Variants in SLC8A3 observed in about 807,000 individuals in gnomAD.
SLC8A3 encodes solute carrier family 8 member A3, also known as sodium/calcium exchanger 3.
A neutral mutation model predicts 65.4 loss-of-function variants in SLC8A3; 37 were observed. The ratio of observed to expected loss-of-function variants is 0.57; its 90% CI spans 0.44 to 0.74. The LOEUF (loss-of-function observed/expected upper bound fraction) is 0.74. Ranked by LOEUF, SLC8A3 falls within the 30% of genes least tolerant of loss-of-function variation. The probability of loss-of-function intolerance (pLI) is 0.00; values close to 1 mark genes in which losing one functional copy is unlikely to be tolerated. For missense variants in SLC8A3, 1,112 were observed against 1,172.1 expected (o/e 0.95, Z 0.75); for synonymous variants, 461 against 444.5 (o/e 1.04, Z -0.47).
At chr14:70,117,740 A>G (rs1044753354) in intron 2 of SLC8A3, among the ~76,000 whole-genome samples, 2 of 151,984 alleles carry the variant, frequency 1.3e-5, no homozygotes, top group African/African-American at 4.8e-5. Context: ...AGATCAACCA[A>G]TCCAAAACCT....
chr14:70,130,727 T>C (rs1337425893), intron 2 of SLC8A3, among the ~76,000 whole-genome samples: 3 of 152,238 alleles, frequency 2.0e-5, no homozygotes, highest in Non-Finnish European at 4.4e-5. Flanking sequence ...GAATGGAGTT[T>C]TAATGACAAA....
chr14:70,181,719 T>C (rs1250791468), intron 1 of SLC8A3, among the ~76,000 whole-genome samples: 3 of 152,288 alleles, frequency 2.0e-5, no homozygotes, highest in Non-Finnish European at 4.4e-5. Flanking sequence ...CACCAGCTCA[T>C]ACAGGGCCTT....
At chr14:70,149,719 T>C (rs1896144164) in intron 2 of SLC8A3, among the ~76,000 whole-genome samples, 1 of 152,196 alleles carries the variant, frequency 6.6e-6, no homozygotes, top group African/African-American at 2.4e-5. Context: ...GTAATTATCC[T>C]TGAGACCAGA....
chr14:70,115,824 G>T (rs750808128), intron 2 of SLC8A3, among the ~76,000 whole-genome samples: 1 of 152,196 alleles, frequency 6.6e-6, no homozygotes, highest in Admixed American at 6.5e-5. Flanking sequence ...GCTGCAAAAT[G>T]AAAGGGTCCA....
At chr14:70,161,956 C>A (rs545653545) in intron 2 of SLC8A3, among the ~76,000 whole-genome samples, 1 of 152,320 alleles carries the variant, frequency 6.6e-6, no homozygotes, top group South Asian at 2.1e-4. Context: ...CTGAAGTTCA[C>A]CAGCACTGCC....
At chr14:70,107,704 C>G (rs1260007654) in intron 2 of SLC8A3, among the ~76,000 whole-genome samples, 2 of 152,210 alleles carry the variant, frequency 1.3e-5, no homozygotes, top group African/African-American at 2.4e-5. Context: ...AACTCAGAAC[C>G]AAAGCTTTCC....
chr14:70,060,305 C>T, intron 3 of SLC8A3: 1 of 231,370 alleles, frequency 4.3e-6, no homozygotes, highest in Non-Finnish European at 8.5e-6. Context: ...AACCCAGGCC[C>T]CAACCCCCAT....
intron 2 of SLC8A3, among the ~76,000 whole-genome samples, chr14:70,134,606 C>T (rs928344962): frequency 2.6e-5 from 4 of 152,230 alleles, no homozygotes; most frequent in Admixed American, 6.5e-5. Context: ...ATCCACTTCT[C>T]TTCTCTCTAC....
chr14:70,104,384 G>A (rs2140118701), intron 2 of SLC8A3, among the ~76,000 whole-genome samples: 1 of 152,136 alleles, frequency 6.6e-6, no homozygotes, highest in East Asian at 1.9e-4. Context: ...TAAAGATTGT[G>A]GGATTGGCCA....
At chr14:70,066,826 AAAC>A (rs1016312643) in intron 2 of SLC8A3, among the ~76,000 whole-genome samples, 4 of 152,142 alleles carry the variant, frequency 2.6e-5, no homozygotes, top group Admixed American at 6.5e-5. Context: ...AAAACAAAAC[AAAC>A]AACAACAACA....
intron 3 of SLC8A3, among the ~76,000 whole-genome samples, chr14:70,054,934 C>T (rs143487092): frequency 2.0e-5 from 3 of 152,038 alleles, no homozygotes; most frequent in East Asian, 1.9e-4. Context: ...AAATGTAAGA[C>T]GTTCTTTTAA....
intron 2 of SLC8A3, among the ~76,000 whole-genome samples, chr14:70,142,872 G>A (rs559746358): frequency 1.3e-5 from 2 of 152,142 alleles, no homozygotes; most frequent in African/African-American, 4.8e-5. Context: ...AGAAGTCACC[G>A]TTTTAGAGTT....
intron 2 of SLC8A3, among the ~76,000 whole-genome samples, chr14:70,098,660 C>A (rs546254517): frequency 2.0e-5 from 3 of 152,204 alleles, no homozygotes; most frequent in Non-Finnish European, 4.4e-5. Flanking sequence ...TCCTGGTCAG[C>A]AGCATCTTAA....
chr14:70,082,091 T>C (rs1282985103), intron 2 of SLC8A3, among the ~76,000 whole-genome samples: 2 of 152,154 alleles, frequency 1.3e-5, no homozygotes, highest in Non-Finnish European at 2.9e-5. Context: ...CTATTAGAAG[T>C]CAGGTAACTT....
intron 2 of SLC8A3, among the ~76,000 whole-genome samples, chr14:70,128,759 C>T (rs1028694118): frequency 1.3e-5 from 2 of 152,192 alleles, no homozygotes; most frequent in Admixed American, 6.5e-5. Flanking sequence ...ACCCTTCTTT[C>T]CTGCCTTTGT....
chr14:70,119,434 C>T (rs1893892558), intron 2 of SLC8A3, among the ~76,000 whole-genome samples: 1 of 152,172 alleles, frequency 6.6e-6, no homozygotes, highest in Non-Finnish European at 1.5e-5. Flanking sequence ...ACTGGGGACC[C>T]CACCCACCTG....
At chr14:70,068,229 G>A (rs893987338) in intron 2 of SLC8A3, among the ~76,000 whole-genome samples, 1 of 152,212 alleles carries the variant, frequency 6.6e-6, no homozygotes, top group Non-Finnish European at 1.5e-5. Context: ...TAGAGTGAAA[G>A]TGGGAGTAAG....
At chr14:70,153,581 T>C (rs1896405185) in intron 2 of SLC8A3, among the ~76,000 whole-genome samples, 1 of 152,146 alleles carries the variant, frequency 6.6e-6, no homozygotes. Flanking sequence ...CACATATGCT[T>C]GTCTTCCCTA....
chr14:70,180,512 G>C (rs573912775), intron 1 of SLC8A3, among the ~76,000 whole-genome samples: 2 of 152,274 alleles, frequency 1.3e-5, no homozygotes, highest in East Asian at 3.9e-4. Context: ...ATTTCCCCTT[G>C]AGGTTGATTC....
Sources: gnomAD v4.1 joint callset for allele counts (sites outside exome capture counted in the v4.1 genomes callset) on GRCh38, gnomAD v4.1.1 for gene constraint, MANE v1.5 for transcripts, NCBI Gene and HGNC (gene_info 2026-07-23, HGNC 2026-07-21) for gene names.